The following WDR26 variants were observed in gnomAD, a reference collection of about 807,000 sequenced individuals.
WDR26 encodes WD repeat-containing protein 26.
WDR26 carries 5 observed loss-of-function variants against 84.1 expected under a neutral mutation model. The observed-to-expected ratio is 0.06, with a 90% CI of 0.03 to 0.13. WDR26 has a LOEUF of 0.13. WDR26 is among the 10% of genes least tolerant of loss of function. WDR26 has a pLI of 1.00. For missense variants in WDR26, 642 were observed against 974.9 expected, an observed-to-expected ratio of 0.66 and a Z score of 4.55; for synonymous variants, 415 against 389.6, an observed-to-expected ratio of 1.07 and a Z score of -0.77.
At chr1:224,426,052 T>A (rs955218282) in intron 3 of WDR26, among the ~76,000 whole-genome samples, 3 of 152,052 alleles carry the variant, frequency 2.0e-5, no homozygotes, top group African/African-American at 7.2e-5. Context: ...GAGACAGGGT[T>A]TTGCCATGTT....
intron 9 of WDR26, among the ~76,000 whole-genome samples, chr1:224,399,422 G>A (rs1673350018): frequency 6.6e-6 from 1 of 152,138 alleles, no homozygotes; most frequent in Admixed American, 6.5e-5. Flanking sequence ...GTTGTGAAAT[G>A]GAAAAAGATT....
rs1293891497 is a variant in WDR26, at chr1:224,434,576, C to G, written c.-171G>C. 2 of 473,274 alleles carry G rather than the reference C, an allele frequency of 4.2e-6. No homozygotes were observed. Among genetic ancestry groups the G allele is most frequent in the African/African-American group, 2.2e-5 (1 of 46,324 alleles). 29.3% of individuals were successfully genotyped at this position (473,274 alleles called of 1,614,324 possible). A position where few individuals can be genotyped will look rare whatever the true frequency, so the allele number is the denominator to read the frequency against. ...GAAGGAGGATCCGGGCCCTTTCCCC[C>G]CCCCCTCCCGGAGGCAGCTCGGGGT... On this transcript the variant is annotated 5_prime_UTR_variant, in exon 1 of 14. Coordinates refer to ENST00000414423, the MANE Select transcript of WDR26 (RefSeq NM_001379403.1).
At chr1:224,407,151 A>AATATATATATAT (rs1335487396) in intron 7 of WDR26, among the ~76,000 whole-genome samples, 207 of 11,838 alleles carry the variant, frequency 0.017, 11 homozygotes, top group East Asian at 0.019. Flanking sequence ...AAAAAAAAAA[A>AATATATATATAT]ATATATATAT....
At chr1:224,398,864 T>C in intron 10 of WDR26, 25 bp downstream of exon 10, 3 of 1,611,558 alleles carry the variant, frequency 1.9e-6, no homozygotes, top group Non-Finnish European at 1.7e-6. Flanking sequence ...GTAATTGTTG[T>C]TTAATGGAAA....
At chr1:224,401,122 ATTATGTG>A in intron 8 of WDR26, 53 bp from the exon 9 acceptor site, 2 of 1,530,894 alleles carry the variant, frequency 1.3e-6, no homozygotes, top group Admixed American at 2.1e-5. Context: ...CTCTAAAGGA[ATTATGTG>A]AGAAAAAAAA....
intron 4 of WDR26, among the ~76,000 whole-genome samples, chr1:224,421,312 G>C (rs1035582920): frequency 1.3e-5 from 2 of 152,174 alleles, no homozygotes; most frequent in African/African-American, 4.8e-5. Flanking sequence ...GCATTAAAAA[G>C]GTAATCAGCA....
intron 3 of WDR26, among the ~76,000 whole-genome samples, chr1:224,425,761 G>C (rs1674191395): frequency 1.3e-5 from 2 of 152,180 alleles, no homozygotes; most frequent in African/African-American, 4.8e-5. Context: ...GGTAGGAAAT[G>C]TTAGTCATAT....
chr1:224,411,727 G>A (rs866635363), intron 6 of WDR26, among the ~76,000 whole-genome samples, 162 bp from the exon 7 acceptor site: 2 of 150,856 alleles, frequency 1.3e-5, no homozygotes, highest in African/African-American at 4.9e-5. Flanking sequence ...TTGAGACAGG[G>A]TCTCTCTGTT....
At position 224,386,670 on chromosome 1, in the gene WDR26, C is replaced by T. The variant is rs1428794715; in HGVS notation, c.*3165G>A. 2.0e-5 allele frequency: 3 copies of T among 152,158 alleles called. No individual in the cohort carries two copies. The highest frequency in any genetic ancestry group is 2.9e-5 in the Non-Finnish European group (2 of 67,970). The allele number at this position is 152,158 out of a possible 1,614,324, so 9.4% of individuals were successfully genotyped here. A position where few individuals can be genotyped will look rare whatever the true frequency, so the allele number is the denominator to read the frequency against. On this transcript the variant is annotated 3_prime_UTR_variant, in exon 14 of 14. Coordinates refer to ENST00000414423, the MANE Select transcript of WDR26 (RefSeq NM_001379403.1). The stretch of plus-strand genomic sequence containing the variant: ...AATACTGACAAAATTGGATTTTTTT[C>T]TCCTTTCAATTGCAGGATATTCTGA...
intron 3 of WDR26, among the ~76,000 whole-genome samples, chr1:224,426,621 A>G (rs1231180070): frequency 1.3e-5 from 2 of 151,912 alleles, no homozygotes. Flanking sequence ...TAAATGAAAA[A>G]ACTTTGTCAT....
At chr1:224,406,228 G>A (rs2102899317) in intron 7 of WDR26, among the ~76,000 whole-genome samples, 1 of 152,296 alleles carries the variant, frequency 6.6e-6, no homozygotes, top group East Asian at 1.9e-4. Context: ...TGACATGACA[G>A]AAAATAACAA....
At chr1:224,412,038 C>T (rs1034837888) in intron 6 of WDR26, among the ~76,000 whole-genome samples, 2 of 152,044 alleles carry the variant, frequency 1.3e-5, no homozygotes, top group Non-Finnish European at 2.9e-5. Flanking sequence ...AGAATAGGCT[C>T]CAGATAATGA....
intron 6 of WDR26, among the ~76,000 whole-genome samples, chr1:224,417,855 T>TA (rs533959295): frequency 6.6e-4 from 100 of 152,110 alleles, no homozygotes; most frequent in Non-Finnish European, 1.1e-3. Context: ...GTACACATGG[T>TA]AAAAAAAACC....
At chr1:224,414,596 A>G (rs1245039120) in intron 6 of WDR26, among the ~76,000 whole-genome samples, 1 of 152,204 alleles carries the variant, frequency 6.6e-6, no homozygotes, top group Admixed American at 6.5e-5. Flanking sequence ...TCTAGTTCCA[A>G]TGCTAAAATC....
intron 7 of WDR26, among the ~76,000 whole-genome samples, chr1:224,407,223 A>G (rs1373250436): frequency 2.8e-5 from 4 of 141,244 alleles, no homozygotes; most frequent in Non-Finnish European, 6.1e-5. Context: ...CCTATAAAAG[A>G]TAAAGTTGAA....
chr1:224,390,774 C>T (rs998780087), intron 13 of WDR26, among the ~76,000 whole-genome samples: 2 of 151,704 alleles, frequency 1.3e-5, no homozygotes, highest in African/African-American at 4.8e-5. Flanking sequence ...CATCTCAAAA[C>T]AGAAACAAAC....
At chr1:224,394,557 C>T (rs1324096241) in intron 12 of WDR26, among the ~76,000 whole-genome samples, 1 of 150,646 alleles carries the variant, frequency 6.6e-6, no homozygotes, top group African/African-American at 2.4e-5. Flanking sequence ...CAGGCTGGAG[C>T]GCAGTGGCAA....
chr1:224,398,046 AT>A (rs1342370596), intron 12 of WDR26, 50 bp downstream of exon 12: 17 of 1,582,778 alleles, frequency 1.1e-5, no homozygotes, highest in African/African-American at 1.4e-5. Context: ...ATAAATTGAG[AT>A]TTACAGACTT....
Position 224,386,910 on chromosome 1 carries a change from TA to T in WDR26, c.*2924del. 6.6e-6 allele frequency: 1 copy of T among 152,202 alleles called. No individual in the cohort carries two copies. The highest frequency in any genetic ancestry group is 1.5e-5 in the Non-Finnish European group (1 of 68,004). 9.4% of individuals were successfully genotyped at this position (152,202 alleles called of 1,614,324 possible). The stretch of plus-strand genomic sequence containing the variant: ...CTGAAGCTTTGTCATCCCTCCCCAC[TA>T]ACTCCCACTCCAATTCTTTACTACC... On this transcript the variant is annotated 3_prime_UTR_variant, in exon 14 of 14. Coordinates refer to ENST00000414423, the MANE Select transcript of WDR26 (RefSeq NM_001379403.1).
Sources: allele counts gnomAD v4.1 joint callset (sites outside exome capture counted in the v4.1 genomes callset), GRCh38; gene constraint gnomAD v4.1.1; transcripts MANE v1.5; gene names NCBI Gene and HGNC (gene_info 2026-07-23, HGNC 2026-07-21).